The following EVC variants were observed in gnomAD, a reference collection of about 807,000 sequenced individuals.
The protein encoded by EVC is EvC ciliary complex subunit 1.
EVC carries 116 observed loss-of-function variants against 118.9 expected under a neutral mutation model. The observed-to-expected ratio is 0.98, with a 90% confidence interval of 0.84 to 1.14. EVC has a LOEUF of 1.14. Ranked by LOEUF, EVC falls within the 50% of genes most tolerant of loss-of-function variation. EVC has a pLI of 0.00. For synonymous variants in EVC, 619 were observed against 534.7 expected, an observed-to-expected ratio of 1.16 and a Z score of -2.18; for missense variants, 1,401 against 1,246.4, an observed-to-expected ratio of 1.12 and a Z score of -1.87.
At chr4:5,736,467 G>A (rs540941494) in intron 5 of EVC, among the ~76,000 whole-genome samples, 35 of 149,934 alleles carry the variant, frequency 2.3e-4, no homozygotes, top group Admixed American at 1.6e-3. Flanking sequence ...CACACCTGGC[G>A]TTATTGCATT....
intron 15 of EVC, among the ~76,000 whole-genome samples, chr4:5,799,596 C>T (rs1714603654): frequency 6.6e-6 from 1 of 152,166 alleles, no homozygotes. Context: ...CTTACAGCAC[C>T]TCGCTCGCTT....
At chr4:5,757,440 C>T (rs967919508) in intron 11 of EVC, among the ~76,000 whole-genome samples, 1 of 152,352 alleles carries the variant, frequency 6.6e-6, no homozygotes, top group Admixed American at 6.5e-5. Context: ...AGTCATGTCT[C>T]TGTTAACCTG....
intron 11 of EVC, among the ~76,000 whole-genome samples, chr4:5,760,486 A>G (rs1731839966): frequency 6.6e-6 from 1 of 152,120 alleles, no homozygotes; most frequent in South Asian, 2.1e-4. Context: ...GTACTGCATA[A>G]GAAGGTGTCG....
downstream of EVC, among the ~76,000 whole-genome samples, chr4:5,817,453 C>T (rs1394116085): frequency 6.6e-6 from 1 of 152,226 alleles, no homozygotes; most frequent in South Asian, 2.1e-4. Context: ...AGCTTTCCTC[C>T]TCTTGGGAAC....
In EVC at chr4:5,756,680, G is replaced by T. The variant is rs1731228115; in HGVS notation, c.1563+318G>T. Among the ~76,000 whole-genome samples the T allele has an allele frequency of 6.6e-6, 1 of 152,220 alleles. No homozygotes were observed. The highest frequency in any genetic ancestry group is 2.1e-4 in the South Asian group (1 of 4,832). ...TGAGAAATAGGCCCAGGGTTTCTGGGTGTCATCAGTGTAAAGTGGTGATGA... is the reference window on the plus strand; with the variant it reads ...TGAGAAATAGGCCCAGGGTTTCTGGTTGTCATCAGTGTAAAGTGGTGATGA... On this transcript the variant is annotated intron_variant, in intron 11 of 20. Transcript: ENST00000264956. The surrounding 1 kb of genome is among the most constrained non-coding windows in gnomAD (Gnocchi z 4.2).
chr4:5,794,305 T>TATTTATATATA (rs1713411724), intron 13 of EVC, among the ~76,000 whole-genome samples: 3 of 96,368 alleles, frequency 3.1e-5, no homozygotes. Flanking sequence ...ATATTTATAT[T>TATTTATATATA]TTTATATATT....
rs1047703230 is a variant in EVC, at chr4:5,719,101, G to C, written c.175-147G>C. ...CGTGGGGTGGGAGGCGTCACACACA[G>C]AAGACCAAGCTTGAGAAGCACAGAG... On this transcript the variant is annotated intron_variant, in intron 1 of 20. Coordinates refer to ENST00000264956, the MANE Select transcript of EVC (RefSeq NM_153717.3). The surrounding 1 kb of genome is among the most constrained non-coding windows in gnomAD (Gnocchi z 4.7). 212 of 1,103,422 alleles carry C rather than the reference G, an allele frequency of 1.9e-4. 2 individuals are homozygous for C. In the African/African-American group the frequency reaches 2.0e-3, roughly 10 times the overall value. 68.4% of individuals were successfully genotyped at this position (1,103,422 alleles called of 1,614,324 possible).
At chr4:5,816,976 G>C (rs894396979), downstream of EVC, among the ~76,000 whole-genome samples, 8 of 152,104 alleles carry the variant, frequency 5.3e-5, no homozygotes, top group Non-Finnish European at 1.0e-4. Flanking sequence ...CCTTTCTCTG[G>C]AAACCACTTA....
chr4:5,777,245 A>C (rs749964327), intron 11 of EVC, among the ~76,000 whole-genome samples: 6 of 152,198 alleles, frequency 3.9e-5, no homozygotes, highest in Non-Finnish European at 8.8e-5. Context: ...GTCAGGGCTT[A>C]AAATATCCTG....
chr4:5,781,424 C>A (rs1279575402), intron 11 of EVC, among the ~76,000 whole-genome samples: 1 of 152,078 alleles, frequency 6.6e-6, no homozygotes, highest in Non-Finnish European at 1.5e-5. Flanking sequence ...GTCAGAAATG[C>A]CCATGTTAGT....
At chr4:5,817,864 G>A (rs1361878578), downstream of EVC, among the ~76,000 whole-genome samples, 4 of 152,174 alleles carry the variant, frequency 2.6e-5, no homozygotes, top group Non-Finnish European at 5.9e-5. Flanking sequence ...AGACCCTACT[G>A]GTGACATCTG....
rs112473947 is a variant in EVC at position 5,783,294 on chromosome 4, A to T, written c.1564-258A>T. On this transcript the variant is annotated intron_variant, in intron 11 of 20. Coordinates refer to ENST00000264956, the MANE Select transcript of EVC (RefSeq NM_153717.3). ...TGTCTGCATGCATATGTGTATGAGT[A>T]CATGTGCATGTGTCTGTGTGTACAA... Among the ~76,000 whole-genome samples, 746 of 152,016 alleles carry T rather than the reference A, an allele frequency of 4.9e-3. 8 individuals carry two copies. The highest frequency in any genetic ancestry group is 0.017 in the African/African-American group (707 of 41,428).
Position 5,785,768 on chromosome 4 carries a change from CAAT to C in EVC, c.1776+2008_1776+2010del, listed in dbSNP as rs368763785. Among the ~76,000 whole-genome samples, 12 of 152,344 alleles carry C rather than the reference CAAT, an allele frequency of 7.9e-5. No homozygotes were observed. The East Asian group carries it at 1.5e-3, about 20-fold the overall frequency. On this transcript the variant is annotated intron_variant, in intron 12 of 20. Transcript: ENST00000264956. ...GGAAAACTTGTAGCATTTCCAGCAA[CAAT>C]AATGCAGCTTTGGAAATGATTACAG...
chr4:5,758,163 C>T (rs773925802), intron 11 of EVC: 9 of 700,966 alleles, frequency 1.3e-5, no homozygotes, highest in Middle Eastern at 5.5e-4. Context: ...AGCCACAAGC[C>T]GAGGAACACC....
chr4:5,809,723 G>T, intron 19 of EVC, 112 bp downstream of exon 19: 2 of 967,534 alleles, frequency 2.1e-6, no homozygotes, highest in Non-Finnish European at 3.2e-6. Context: ...TCGTGCCTAG[G>T]CTCTCTGGGC....
intron 12 of EVC, among the ~76,000 whole-genome samples, chr4:5,792,030 A>G (rs1265741645): frequency 6.6e-6 from 1 of 152,248 alleles, no homozygotes; most frequent in Non-Finnish European, 1.5e-5. Flanking sequence ...TAAGCAGAAT[A>G]TGTGACTTCC....
Position 5,731,759 on chromosome 4 carries a change from A to G in EVC, c.617+102A>G. On this transcript the variant is annotated intron_variant, in intron 4 of 20. Transcript: ENST00000264956. This position sits in a 1 kb window ranked among gnomAD's most constrained non-coding sequence, Gnocchi z 5.6. ...AGGAAACAGAGGCCCAGAGAGGTTC[A>G]GTGACTCTGCCAGGGACACACAGCG... 8.4e-7 allele frequency: 1 copy of G among 1,190,120 alleles called. No homozygotes were observed. Among genetic ancestry groups the G allele is most frequent in the Non-Finnish European group, 1.2e-6 (1 of 820,358 alleles). The allele number at this position is 1,190,120 out of a possible 1,614,324, so 73.7% of individuals were successfully genotyped here.
chr4:5,776,589 T>C (rs1325081606), intron 11 of EVC, among the ~76,000 whole-genome samples: 1 of 152,164 alleles, frequency 6.6e-6, no homozygotes, highest in African/African-American at 2.4e-5. Context: ...CAAATACTGC[T>C]TCTACCCAGA....
At chr4:5,714,402 T>G (rs1269339222) in intron 1 of EVC, among the ~76,000 whole-genome samples, 1 of 152,132 alleles carries the variant, frequency 6.6e-6, no homozygotes, top group Non-Finnish European at 1.5e-5. Context: ...CATTTTCTAC[T>G]TCTCAACAGT....
Sources: gnomAD v4.1 joint callset for allele counts (sites outside exome capture counted in the v4.1 genomes callset) on GRCh38, gnomAD v4.1.1 for gene constraint, Gnocchi (gnomAD v3.1) non-coding constraint, MANE v1.5 for transcripts, NCBI Gene and HGNC (gene_info 2026-07-23, HGNC 2026-07-21) for gene names.